ROBO2: variants seen among roughly 807,000 people sequenced by gnomAD.
ROBO2 encodes roundabout guidance receptor 2, also known as roundabout homolog 2.
ROBO2 carries 53 observed loss-of-function variants against 160.8 expected under a neutral mutation model. The observed-to-expected ratio is 0.33, with a 90% CI of 0.26 to 0.41. The LOEUF (loss-of-function observed/expected upper bound fraction) is 0.41. ROBO2 is among the 10% of genes least tolerant of loss of function. The probability of loss-of-function intolerance (pLI) is 1.00; values close to 1 mark genes in which losing one functional copy is unlikely to be tolerated. For synonymous variants in ROBO2, 664 were observed against 611.7 expected (o/e 1.09, Z -1.26); for missense variants, 1,577 against 1,722.4 (o/e 0.92, Z 1.49).
chr3:76,723,010 T>A (rs2093489161), intron 2 of ROBO2, among the ~76,000 whole-genome samples: 1 of 152,168 alleles, frequency 6.6e-6, no homozygotes, highest in African/African-American at 2.4e-5. Context: ...TAGATATGTT[T>A]TGTCAGAAAA....
chr3:77,241,215 G>T (rs2088991026), intron 2 of ROBO2, among the ~76,000 whole-genome samples: 1 of 152,158 alleles, frequency 6.6e-6, no homozygotes. Flanking sequence ...TGCCAAGATA[G>T]TAATAGCAAA....
intron 2 of ROBO2, among the ~76,000 whole-genome samples, chr3:77,011,113 TC>T (rs2061892658): frequency 7.0e-6 from 1 of 143,648 alleles, no homozygotes; most frequent in East Asian, 2.1e-4. Flanking sequence ...CTTCTTTCTT[TC>T]CTTCTTTCTT....
chr3:77,632,317 G>A (rs1321675548), intron 23 of ROBO2: 6 of 555,894 alleles, frequency 1.1e-5, no homozygotes, highest in Admixed American at 3.3e-5. Flanking sequence ...CACAAAAAAT[G>A]TTTAAAATGT....
chr3:77,473,737 T>C (rs2083647112), intron 2 of ROBO2, among the ~76,000 whole-genome samples: 1 of 152,124 alleles, frequency 6.6e-6, no homozygotes, highest in South Asian at 2.1e-4. Flanking sequence ...ATTACAGGCG[T>C]GAGCCACCGC....
At chr3:76,165,017 A>C (rs1369039579) in intron 2 of ROBO2, among the ~76,000 whole-genome samples, 1 of 151,898 alleles carries the variant, frequency 6.6e-6, no homozygotes, top group Admixed American at 6.6e-5. Context: ...TTTGCCAAGA[A>C]AAGAAATGTA....
intron 2 of ROBO2, among the ~76,000 whole-genome samples, chr3:77,322,250 C>T (rs1275898141): frequency 6.6e-6 from 1 of 152,106 alleles, no homozygotes; most frequent in African/African-American, 2.4e-5. Flanking sequence ...CTTTGACTTC[C>T]TACCAAACAT....
intron 2 of ROBO2, among the ~76,000 whole-genome samples, chr3:76,475,803 A>G (rs564300616): frequency 1.3e-5 from 2 of 152,316 alleles, no homozygotes; most frequent in South Asian, 4.1e-4. Context: ...GAGTGCTAGA[A>G]TTCTATTAGT....
chr3:77,417,133 T>G (rs1395312982), intron 2 of ROBO2, among the ~76,000 whole-genome samples: 3 of 152,056 alleles, frequency 2.0e-5, no homozygotes, highest in African/African-American at 7.2e-5. Context: ...TAGGTGCAAT[T>G]TCATGTGAGG....
chr3:76,983,649 A>T (rs994394753), intron 2 of ROBO2, among the ~76,000 whole-genome samples: 4 of 152,302 alleles, frequency 2.6e-5, no homozygotes, highest in Non-Finnish European at 5.9e-5. Flanking sequence ...ATCAGTTCTT[A>T]TTTCAAGATT....
intron 2 of ROBO2, among the ~76,000 whole-genome samples, chr3:77,253,097 T>C (rs2090564322): frequency 6.6e-6 from 1 of 151,788 alleles, no homozygotes; most frequent in South Asian, 2.1e-4. Flanking sequence ...AGGGTAAGGG[T>C]TCTCAGCTAG....
intron 2 of ROBO2, among the ~76,000 whole-genome samples, chr3:77,394,440 C>A (rs915673670): frequency 8.6e-5 from 13 of 151,954 alleles, no homozygotes; most frequent in African/African-American, 3.1e-4. Context: ...AAGTATTGAA[C>A]TACTATTAAA....
intron 2 of ROBO2, among the ~76,000 whole-genome samples, chr3:77,014,463 GT>G (rs1365785500): frequency 1.3e-5 from 2 of 152,184 alleles, no homozygotes; most frequent in Non-Finnish European, 2.9e-5. Flanking sequence ...GCGTAACTGT[GT>G]GTGACTCCAA....
intron 2 of ROBO2, among the ~76,000 whole-genome samples, chr3:76,505,704 C>A (rs1200332920): frequency 1.3e-5 from 2 of 152,070 alleles, no homozygotes; most frequent in Non-Finnish European, 2.9e-5. Context: ...CTAGAAAGAG[C>A]CAAGAAACAT....
intron 2 of ROBO2, among the ~76,000 whole-genome samples, chr3:76,078,826 G>A (rs954327019): frequency 6.6e-6 from 1 of 152,084 alleles, no homozygotes; most frequent in Non-Finnish European, 1.5e-5. Context: ...GGACCTCCAT[G>A]GTTTTACTAA....
chr3:76,153,160 A>G (rs2106861642), intron 2 of ROBO2, among the ~76,000 whole-genome samples: 1 of 152,310 alleles, frequency 6.6e-6, no homozygotes, highest in Non-Finnish European at 1.5e-5. Flanking sequence ...TAAGGGAAAG[A>G]GATAATGTCT....
chr3:77,071,856 A>T (rs906091284), intron 1 of ROBO2, among the ~76,000 whole-genome samples: 1 of 151,924 alleles, frequency 6.6e-6, no homozygotes, highest in Non-Finnish European at 1.5e-5. Context: ...AAATCTATCC[A>T]CCACTCTCAT....
intron 2 of ROBO2, among the ~76,000 whole-genome samples, chr3:76,843,939 A>G (rs1471625086): frequency 6.6e-6 from 1 of 151,998 alleles, no homozygotes; most frequent in African/African-American, 2.4e-5. Flanking sequence ...TAAAAAGCTG[A>G]TATCCTTTTA....
intron 2 of ROBO2, among the ~76,000 whole-genome samples, chr3:76,651,174 C>T (rs572130758): frequency 6.6e-6 from 1 of 152,148 alleles, no homozygotes; most frequent in East Asian, 1.9e-4. Context: ...CCTCAGGGGT[C>T]TGTATCTGTC....
chr3:77,234,186 C>T (rs559941320), intron 2 of ROBO2, among the ~76,000 whole-genome samples: 5 of 152,178 alleles, frequency 3.3e-5, no homozygotes, highest in African/African-American at 9.6e-5. Context: ...TCCAGGGCAA[C>T]GTCAAAATTC....
Sources: allele counts gnomAD v4.1 joint callset (sites outside exome capture counted in the v4.1 genomes callset), GRCh38; gene constraint gnomAD v4.1.1; transcripts MANE v1.5; gene names NCBI Gene and HGNC (gene_info 2026-07-23, HGNC 2026-07-21).